PUS7: variants seen among roughly 807,000 people sequenced by gnomAD.
PUS7 encodes pseudouridylate synthase 7 homolog.
A neutral mutation model predicts 79.8 loss-of-function variants in PUS7; 48 were observed. The ratio of observed to expected loss-of-function variants is 0.60; its 90% CI spans 0.48 to 0.76. The LOEUF is 0.76. Among genes scored for constraint, PUS7 ranks in the 30% least tolerant of loss-of-function variants. PUS7 has a pLI of 0.00. For missense variants in PUS7, 729 were observed against 797.6 expected (o/e 0.91, Z 1.04); for synonymous variants, 286 against 272.2 (o/e 1.05, Z -0.50).
intron 1 of PUS7, among the ~76,000 whole-genome samples, chr7:105,520,114 T>C (rs1826046556): frequency 6.6e-6 from 1 of 151,774 alleles, no homozygotes. Flanking sequence ...ACCTGAAGTC[T>C]GAAGTTCAAG....
At chr7:105,502,608 T>A (rs762181663) in intron 4 of PUS7, 44 bp from the exon 5 acceptor site, 10 of 1,596,694 alleles carry the variant, frequency 6.3e-6, no homozygotes, top group Middle Eastern at 1.7e-4. Flanking sequence ...TTAACAAACA[T>A]TAAATAGGGA....
intron 6 of PUS7, among the ~76,000 whole-genome samples, chr7:105,492,351 GTC>G (rs532164582): frequency 2.6e-5 from 4 of 151,716 alleles, no homozygotes; most frequent in Non-Finnish European, 5.9e-5. Context: ...TTGAGACGGA[GTC>G]TCTCTCTGTC....
At chr7:105,461,231 A>C (rs775339608) in intron 14 of PUS7, among the ~76,000 whole-genome samples, 3 of 152,236 alleles carry the variant, frequency 2.0e-5, no homozygotes, top group African/African-American at 4.8e-5. Flanking sequence ...AATTCTAAGT[A>C]AGGTAATTTG....
intron 13 of PUS7, among the ~76,000 whole-genome samples, chr7:105,464,666 A>G (rs886214283): frequency 3.9e-5 from 6 of 152,110 alleles, no homozygotes; most frequent in African/African-American, 1.4e-4. Context: ...GAGTTACATC[A>G]TTGGCTTCCC....
At chr7:105,519,678 T>C (rs189817339) in intron 1 of PUS7, among the ~76,000 whole-genome samples, 12 of 152,360 alleles carry the variant, frequency 7.9e-5, no homozygotes, top group African/African-American at 2.2e-4. Flanking sequence ...TACCATTTCC[T>C]GTCCTCATGT....
chr7:105,491,580 C>A lies in PUS7; in HGVS notation c.880G>T (p.Asp294Tyr). 1 of 1,602,622 alleles carries A rather than the reference C, an allele frequency of 6.2e-7. No individual in the cohort carries two copies. Among genetic ancestry groups the A allele is most frequent in the Non-Finnish European group, 8.5e-7 (1 of 1,169,896 alleles). Residue 294 changes from aspartate (D) to tyrosine (Y), a missense_variant, in exon 7 of 16, where the codon GAT (aspartate) becomes TAT (tyrosine). Coordinates refer to ENST00000469408, the MANE Select transcript of PUS7 (RefSeq NM_019042.5). ...TCTTGAACTGTTATAGCCCTTTTAT[C>A]TTTGGTTCCCATGTAGGAGAATATA... ...PNIFSYMGTK[D>Y]KRAITVQEIA...
chr7:105,467,538 C>T (rs1273012064), intron 12 of PUS7, among the ~76,000 whole-genome samples: 2 of 151,768 alleles, frequency 1.3e-5, no homozygotes, highest in Non-Finnish European at 2.9e-5. Flanking sequence ...ATCTGCCCGC[C>T]TTGGCTCCCA....
In PUS7 at chr7:105,495,262, C is replaced by G. The variant is rs1824964620; in HGVS notation, c.731-9G>C. The G allele has an allele frequency of 1.4e-6, 2 of 1,465,964 alleles. No individual in the cohort carries two copies. The highest frequency in any genetic ancestry group is 1.9e-6 in the Non-Finnish European group (2 of 1,048,556). The allele number at this position is 1,465,964 out of a possible 1,614,324, so 90.8% of individuals were successfully genotyped here. ...AGAATGTTTTCTTGGATCTTGAAAG[C>G]AAAAGAATTAACATTATATATACCA... On this transcript the variant is annotated splice_polypyrimidine_tract_variant and intron_variant, in intron 5 of 15. Coordinates refer to ENST00000469408, the MANE Select transcript of PUS7 (RefSeq NM_019042.5).
chr7:105,518,628 G>A (rs905030198), intron 1 of PUS7, among the ~76,000 whole-genome samples: 1 of 152,064 alleles, frequency 6.6e-6, no homozygotes. Flanking sequence ...TCAAACTCCT[G>A]AGCTCAAGTG....
At position 105,462,669 on chromosome 7, in the gene PUS7, A is replaced by T; in HGVS notation, c.1709T>A (p.Leu570Ter). 1 of 1,613,966 alleles carries T rather than the reference A, an allele frequency of 6.2e-7. No homozygotes were observed. The highest frequency in any genetic ancestry group is 8.5e-7 in the Non-Finnish European group (1 of 1,179,964). ...AATGATCTTTCGGTAGGCCCCTGAC[A>T]AGGAATAATCTCGAATTTTGTGTCT... ...NMRHKIRDYSLSGAYRKIIIR... is the reference protein window; with the variant it reads ...NMRHKIRDYS The change falls in exon 14 of 16, where the codon TTG becomes TAG. Residue 570 changes from leucine (L) to a stop codon, truncating the protein, a stop_gained. Coordinates refer to ENST00000469408, the MANE Select transcript of PUS7 (RefSeq NM_019042.5). LOFTEE classifies it high-confidence loss of function.
At chr7:105,476,123 CAAAA>C (rs958626613) in intron 9 of PUS7, among the ~76,000 whole-genome samples, 66 of 39,170 alleles carry the variant, frequency 1.7e-3, no homozygotes, top group African/African-American at 3.7e-3. Flanking sequence ...GACTCCGTCT[CAAAA>C]AAAAAAAAAA....
At chr7:105,515,044 T>C (rs1825844389) in intron 1 of PUS7, among the ~76,000 whole-genome samples, 1 of 152,198 alleles carries the variant, frequency 6.6e-6, no homozygotes, top group Non-Finnish European at 1.5e-5. Flanking sequence ...TCTGCCCGCC[T>C]TGGCCTCCCA....
At chr7:105,511,884 G>A (rs1476286860) in intron 1 of PUS7, among the ~76,000 whole-genome samples, 1 of 152,062 alleles carries the variant, frequency 6.6e-6, no homozygotes, top group Non-Finnish European at 1.5e-5. Flanking sequence ...AGTGGCTCAC[G>A]CCTGTAATCC....
intron 10 of PUS7, 137 bp downstream of exon 10, chr7:105,471,995 C>T (rs1297527704): frequency 5.8e-6 from 3 of 521,048 alleles, no homozygotes; most frequent in Non-Finnish European, 1.0e-5. Flanking sequence ...TATAAATAAA[C>T]TTATACTTTT....
chr7:105,489,408 A>G (rs565041709), intron 7 of PUS7, among the ~76,000 whole-genome samples: 4 of 152,102 alleles, frequency 2.6e-5, no homozygotes, highest in African/African-American at 4.8e-5. Flanking sequence ...TCCATTACCC[A>G]CAAAGGTTAT....
rs750883369 is a variant in PUS7, at chr7:105,472,157, A to G, written c.1212T>C (p.Asp404=). The change falls in exon 10 of 16, where the codon GAT becomes GAC. Residue 404 remains aspartate (D), a synonymous_variant. Coordinates refer to ENST00000469408, the MANE Select transcript of PUS7 (RefSeq NM_019042.5). ...CTCCAGAGCGGGGTTTCAATATTAA[A>G]TCCATGACTTCTGTCCAGGAATTTT... ...ILQNSWTEVM[D]LILKPRSGAE... is the part of the protein sequence containing the mutation. 1 of 1,601,064 alleles carries G rather than the reference A, an allele frequency of 6.2e-7. No homozygotes were observed. The highest frequency in any genetic ancestry group is 1.1e-5 in the South Asian group (1 of 90,204).
At chr7:105,511,904 G>T (rs1242554383) in intron 1 of PUS7, among the ~76,000 whole-genome samples, 1 of 152,014 alleles carries the variant, frequency 6.6e-6, no homozygotes, top group Non-Finnish European at 1.5e-5. Context: ...CCAACACTTT[G>T]GGAGGCTGAG....
intron 8 of PUS7, 21 bp from the exon 9 acceptor site, chr7:105,481,198 C>A (rs1403343020): frequency 6.3e-7 from 1 of 1,593,780 alleles, no homozygotes; most frequent in Admixed American, 1.8e-5. Flanking sequence ...ACAAATTATC[C>A]AGAGGAAAAA....
chr7:105,510,009 T>C (rs1825642263), intron 1 of PUS7, among the ~76,000 whole-genome samples: 1 of 152,122 alleles, frequency 6.6e-6, no homozygotes, highest in Non-Finnish European at 1.5e-5. Context: ...AAAAAACTGA[T>C]TAATATTGTG....
Sources: allele counts gnomAD v4.1 joint callset (sites outside exome capture counted in the v4.1 genomes callset), GRCh38; gene constraint gnomAD v4.1.1; transcripts MANE v1.5; gene names NCBI Gene and HGNC (gene_info 2026-07-23, HGNC 2026-07-21).